SLC2A1: variants seen among roughly 807,000 people sequenced by gnomAD.
SLC2A1 encodes the protein solute carrier family 2, facilitated glucose transporter member 1.
SLC2A1 carries 4 observed loss-of-function variants against 46.6 expected under a neutral mutation model. The ratio of observed to expected loss-of-function variants is 0.09; its 90% CI spans 0.04 to 0.20. SLC2A1 has a LOEUF of 0.20. Among genes scored for constraint, SLC2A1 ranks in the 10% least tolerant of loss-of-function variants. SLC2A1 has a pLI of 1.00. For missense variants in SLC2A1, 352 were observed against 667.0 expected, an observed-to-expected ratio of 0.53 and a Z score of 5.20; for synonymous variants, 253 against 270.0, an observed-to-expected ratio of 0.94 and a Z score of 0.62.
At chr1:42,956,407 CAAAAAAAAA>C (rs71577684) in intron 1 of SLC2A1, among the ~76,000 whole-genome samples, 1 of 44,506 alleles carries the variant, frequency 2.2e-5, no homozygotes, top group Non-Finnish European at 4.0e-5. Context: ...ACTAAAACTA[CAAAAAAAAA>C]AAAAAAAAAA....
rs753434276 is a variant in SLC2A1, at chr1:42,929,184, G to T, written c.972+26C>A. 3.3e-5 allele frequency: 53 copies of T among 1,584,896 alleles called. No individual in the cohort carries two copies. Among genetic ancestry groups the T allele is most frequent in the Non-Finnish European group, 1.3e-5 (15 of 1,154,082 alleles). ...ACTGCCTCCTCCCTGGGGTTTGGCT[G>T]GGGGGGCCAGTAAGCAAAGACTCAC... On this transcript the variant is annotated intron_variant, in intron 7 of 9. Transcript: ENST00000426263. This position sits in a 1 kb window ranked among gnomAD's most constrained non-coding sequence, Gnocchi z 6.0.
Position 42,926,617 on chromosome 1 carries a change from A to T in SLC2A1, c.*424T>A. Reference sequence around the variant, plus strand: ...CCACCTCCTGGGATAGAAGCTTTGTAGTTCATAGTTCGATTAGTGTGTCCT... The same window carrying T: ...CCACCTCCTGGGATAGAAGCTTTGTTGTTCATAGTTCGATTAGTGTGTCCT... On this transcript the variant is annotated 3_prime_UTR_variant, in exon 10 of 10. Transcript: ENST00000426263. 11 of 859,164 alleles carry T rather than the reference A, an allele frequency of 1.3e-5. No homozygotes were observed. The highest frequency in any genetic ancestry group is 1.8e-5 in the Non-Finnish European group (11 of 611,018). 53.2% of individuals were successfully genotyped at this position (859,164 alleles called of 1,614,324 possible).
rs1485968744 is a variant in SLC2A1 at position 42,931,078 on chromosome 1, G to A, written c.243C>T (p.Phe81=). 4 of 1,614,090 alleles carry A rather than the reference G, an allele frequency of 2.5e-6. No homozygotes were observed. The part of the protein sequence containing the change: ...IFSVGGMIGS[F]SVGLFVNRFG... ...AGCGGTTAACGAAAAGGCCCACAGAGAAGGAGCCAATCATGCCCCCAACAG... is the reference window on the plus strand; with the variant it reads ...AGCGGTTAACGAAAAGGCCCACAGAAAAGGAGCCAATCATGCCCCCAACAG... Residue 81 remains phenylalanine, a synonymous_variant, in exon 3 of 10, where the codon TTC becomes TTT. Transcript: ENST00000426263.
chr1:42,939,515 C>T (rs977641830), intron 2 of SLC2A1, among the ~76,000 whole-genome samples: 2 of 152,236 alleles, frequency 1.3e-5, no homozygotes. Context: ...CTCTGTGCTG[C>T]TGACCAGCCC....
chr1:42,956,407 C>CAAAAAAAAAAAAAAAAAAAAAA (rs71577684), intron 1 of SLC2A1, among the ~76,000 whole-genome samples: 4 of 44,534 alleles, frequency 9.0e-5, no homozygotes, highest in African/African-American at 4.2e-4. Context: ...ACTAAAACTA[C>CAAAAAAAAAAAAAAAAAAAAAA]AAAAAAAAAA....
chr1:42,950,612 C>G (rs759489679), intron 1 of SLC2A1, among the ~76,000 whole-genome samples: 3 of 152,166 alleles, frequency 2.0e-5, no homozygotes, highest in Non-Finnish European at 4.4e-5. Flanking sequence ...TGGGCACATG[C>G]AAAGTTCACT....
At position 42,958,734 on chromosome 1, in the gene SLC2A1, C is replaced by A; in HGVS notation, c.-83G>T. On this transcript the variant is annotated 5_prime_UTR_variant, in exon 1 of 10. Transcript: ENST00000426263. The stretch of plus-strand genomic sequence containing the variant: ...CGAGCGGCGCTCTCCCGCTCAGGCT[C>A]GTGCTCCGGTCCGGGGACTCCCACT... The A allele has an allele frequency of 7.0e-7, 1 of 1,425,432 alleles. No individual in the cohort carries two copies. Among genetic ancestry groups the A allele is most frequent in the Non-Finnish European group, 9.5e-7 (1 of 1,052,472 alleles). 88.3% of individuals were successfully genotyped at this position (1,425,432 alleles called of 1,614,324 possible).
At position 42,954,218 on chromosome 1, in the gene SLC2A1, T is replaced by TA. The variant is rs34989628; in HGVS notation, c.18+4415dup. ...AGGCATGTGGAGAAGAAAGCATCTT[T>TA]AAAAAAAAAACACAGCTAGGCCAGG... On this transcript the variant is annotated intron_variant, in intron 1 of 9. Coordinates refer to ENST00000426263, the MANE Select transcript of SLC2A1 (RefSeq NM_006516.4). The surrounding 1 kb of genome is among the most constrained non-coding windows in gnomAD (Gnocchi z 4.2). Among the ~76,000 whole-genome samples the TA allele has an allele frequency of 6.8e-5, 10 of 146,156 alleles. No homozygotes were observed. Among genetic ancestry groups the TA allele is most frequent in the East Asian group, 2.0e-4 (1 of 4,926 alleles).
chr1:42,944,308 C>G (rs1643628742), intron 1 of SLC2A1, among the ~76,000 whole-genome samples: 1 of 152,178 alleles, frequency 6.6e-6, no homozygotes, highest in Non-Finnish European at 1.5e-5. Context: ...AGCAGGGTGT[C>G]AGCCCTGCTG....
At chr1:42,957,469 T>C (rs982886035) in intron 1 of SLC2A1, among the ~76,000 whole-genome samples, 1 of 152,090 alleles carries the variant, frequency 6.6e-6, no homozygotes, top group Non-Finnish European at 1.5e-5. Context: ...AATTCAGTGC[T>C]ACCCCCGCGT....
chr1:42,951,382 A>G (rs1306440444), intron 1 of SLC2A1, among the ~76,000 whole-genome samples: 2 of 152,202 alleles, frequency 1.3e-5, no homozygotes, highest in Non-Finnish European at 2.9e-5. Flanking sequence ...TAGGATGTAC[A>G]TATTGTGTAA....
At position 42,926,623 on chromosome 1, in the gene SLC2A1, T is replaced by C. The variant is rs1301860731; in HGVS notation, c.*418A>G. 9.3e-7 allele frequency: 1 copy of C among 1,075,890 alleles called. No individual in the cohort carries two copies. Among genetic ancestry groups the C allele is most frequent in the East Asian group, 5.9e-5 (1 of 16,908 alleles). 66.6% of individuals were successfully genotyped at this position (1,075,890 alleles called of 1,614,324 possible). ...CCTGGGATAGAAGCTTTGTAGTTCA[T>C]AGTTCGATTAGTGTGTCCTTAGGAC... On this transcript the variant is annotated 3_prime_UTR_variant, in exon 10 of 10. Transcript: ENST00000426263.
chr1:42,927,108 C>G lies in SLC2A1; in HGVS notation c.1412G>C (p.Gly471Ala), dbSNP rs955043564. Residue 471 changes from glycine (G) to alanine (A), a missense_variant, in exon 10 of 10, where the codon GGA becomes GCA. Transcript: ENST00000426263. This position sits in a 1 kb window ranked among gnomAD's most constrained non-coding sequence, Gnocchi z 5.3. Reference protein sequence around the residue: ...DEIASGFRQGGASQSDKTPEE... With the variant: ...DEIASGFRQGAASQSDKTPEE... Reference sequence around the variant, plus strand: ...GGGTGTCTTGTCACTTTGGCTGGCTCCCCCCTGCCGGAAGCCGGAAGCGAT... The same window carrying G: ...GGGTGTCTTGTCACTTTGGCTGGCTGCCCCCTGCCGGAAGCCGGAAGCGAT... 1.2e-6 allele frequency: 2 copies of G among 1,613,998 alleles called. No homozygotes were observed. The highest frequency in any genetic ancestry group is 1.1e-5 in the South Asian group (1 of 91,090).
intron 1 of SLC2A1, among the ~76,000 whole-genome samples, chr1:42,958,303 G>T (rs1257825981): frequency 6.6e-6 from 1 of 151,242 alleles, no homozygotes; most frequent in African/African-American, 2.4e-5. Flanking sequence ...GGTCGTGTGC[G>T]ACGTGCCGCT....
rs1643426196 is a variant in SLC2A1, at chr1:42,926,335, T to A, written c.*706A>T. 1 of 161,906 alleles carries A rather than the reference T, an allele frequency of 6.2e-6. No individual in the cohort carries two copies. The highest frequency in any genetic ancestry group is 5.9e-5 in the Admixed American group (1 of 16,982). The allele number at this position is 161,906 out of a possible 1,614,324, so 10.0% of individuals were successfully genotyped here. A position where few individuals can be genotyped will look rare whatever the true frequency, so the allele number is the denominator to read the frequency against. ...CAGGGCAGGAGTCTCCATGTCTTCT[T>A]GAGCAGTGAGTTTGCAGGCTCCCAC... is the stretch of plus-strand genomic sequence containing the variant. On this transcript the variant is annotated 3_prime_UTR_variant, in exon 10 of 10. Coordinates refer to ENST00000426263, the MANE Select transcript of SLC2A1 (RefSeq NM_006516.4).
In SLC2A1 at chr1:42,930,887, C is replaced by T; in HGVS notation, c.276-21G>A. Reference sequence around the variant, plus strand: ...TCCGCCTGGGGACGGGGTCACAGGTCAGGCCAGTGCCCACATTCCTTGGGC... The same window carrying T: ...TCCGCCTGGGGACGGGGTCACAGGTTAGGCCAGTGCCCACATTCCTTGGGC... On this transcript the variant is annotated intron_variant, in intron 3 of 9. Coordinates refer to ENST00000426263, the MANE Select transcript of SLC2A1 (RefSeq NM_006516.4). The surrounding 1 kb of genome is among the most constrained non-coding windows in gnomAD (Gnocchi z 6.2). The T allele has an allele frequency of 6.2e-7, 1 of 1,601,952 alleles. No homozygotes were observed. Among genetic ancestry groups the T allele is most frequent in the South Asian group, 1.1e-5 (1 of 91,050 alleles).
At chr1:42,946,034 A>G (rs566795521) in intron 1 of SLC2A1, among the ~76,000 whole-genome samples, 107 of 152,358 alleles carry the variant, frequency 7.0e-4, no homozygotes, top group African/African-American at 2.6e-3. Context: ...GCATGAGTGA[A>G]TGACACTGGC....
chr1:42,939,069 C>T (rs746426011), intron 2 of SLC2A1, among the ~76,000 whole-genome samples: 16 of 152,264 alleles, frequency 1.1e-4, no homozygotes, highest in Admixed American at 5.9e-4. Context: ...TCTGGCACAG[C>T]GTGGATGCTC....
At chr1:42,957,781 C>T (rs757273522) in intron 1 of SLC2A1, among the ~76,000 whole-genome samples, 7 of 152,222 alleles carry the variant, frequency 4.6e-5, no homozygotes, top group African/African-American at 1.2e-4. Context: ...AGTCCCCATC[C>T]CTCATTCCCC....
Sources: allele counts gnomAD v4.1 joint callset (sites outside exome capture counted in the v4.1 genomes callset), GRCh38; gene constraint gnomAD v4.1.1; non-coding constraint Gnocchi (gnomAD v3.1); transcripts MANE v1.5; gene names NCBI Gene and HGNC (gene_info 2026-07-23, HGNC 2026-07-21).